Variants in SIPA1L1 observed in about 807,000 individuals in gnomAD.
SIPA1L1 encodes the protein signal-induced proliferation-associated 1-like protein 1.
A neutral mutation model predicts 162.7 loss-of-function variants in SIPA1L1; 26 were observed. The ratio of observed to expected loss-of-function variants is 0.16; its 90% CI spans 0.12 to 0.22. The LOEUF (loss-of-function observed/expected upper bound fraction) is 0.22. Ranked by LOEUF, SIPA1L1 falls within the 10% of genes least tolerant of loss-of-function variation. The pLI is 1.00. For missense variants in SIPA1L1, 1,874 were observed against 2,241.0 expected (o/e 0.84, Z 3.31); for synonymous variants, 829 against 837.4 (o/e 0.99, Z 0.17).
intron 5 of SIPA1L1, among the ~76,000 whole-genome samples, chr14:71,595,000 T>C (rs1404818791): frequency 6.6e-6 from 1 of 152,166 alleles, no homozygotes; most frequent in East Asian, 1.9e-4. Context: ...CACTGTGATC[T>C]CAAAGTCCCA....
intron 2 of SIPA1L1, among the ~76,000 whole-genome samples, chr14:71,394,305 C>T (rs2041011798): frequency 6.6e-6 from 1 of 152,216 alleles, no homozygotes; most frequent in Non-Finnish European, 1.5e-5. Context: ...AATTATACAG[C>T]ATTAATTTCC....
chr14:71,506,401 C>T (rs925682936), intron 2 of SIPA1L1, among the ~76,000 whole-genome samples: 5 of 152,192 alleles, frequency 3.3e-5, no homozygotes, highest in Admixed American at 2.0e-4. Context: ...AGTGCAGTGG[C>T]GTGATCTCGG....
Position 71,627,736 on chromosome 14 carries a change from C to T in SIPA1L1, c.1818+3500C>T, listed in dbSNP as rs1221858212. Reference sequence around the variant, plus strand: ...TGTGCAATAGATTCCAACTATTGGCCTATTTTACAGTCAAGGGGATTAAGG... The same window carrying T: ...TGTGCAATAGATTCCAACTATTGGCTTATTTTACAGTCAAGGGGATTAAGG... On this transcript the variant is annotated intron_variant, in intron 7 of 23. Coordinates refer to ENST00000381232, the MANE Select transcript of SIPA1L1 (RefSeq NM_001386936.1). Among the ~76,000 whole-genome samples, 3 of 152,114 alleles carry T rather than the reference C, an allele frequency of 2.0e-5. No homozygotes were observed. In the East Asian group the frequency reaches 5.8e-4, roughly 29 times the overall value.
chr14:71,706,271 A>G (rs962661860), intron 16 of SIPA1L1, among the ~76,000 whole-genome samples: 1 of 152,210 alleles, frequency 6.6e-6, no homozygotes, highest in African/African-American at 2.4e-5. Flanking sequence ...ATATTGTCAC[A>G]AATCTACTTG....
intron 2 of SIPA1L1, among the ~76,000 whole-genome samples, chr14:71,470,899 T>A (rs2047399663): frequency 6.6e-6 from 1 of 152,206 alleles, no homozygotes; most frequent in Non-Finnish European, 1.5e-5. Flanking sequence ...GTGCAGTGGC[T>A]TGATCACGGC....
chr14:71,647,607 C>T (rs772856903), intron 7 of SIPA1L1, among the ~76,000 whole-genome samples: 3 of 152,130 alleles, frequency 2.0e-5, no homozygotes, highest in Non-Finnish European at 4.4e-5. Context: ...AAGCCCCTTC[C>T]TGTCTACAGA....
intron 10 of SIPA1L1, among the ~76,000 whole-genome samples, chr14:71,665,115 T>C (rs967234322): frequency 1.3e-5 from 2 of 152,208 alleles, no homozygotes; most frequent in African/African-American, 4.8e-5. Flanking sequence ...AGTGTTACCA[T>C]GCTAGGTAAT....
chr14:71,346,531 A>G (rs1250958499), intron 2 of SIPA1L1, among the ~76,000 whole-genome samples: 2 of 152,176 alleles, frequency 1.3e-5, no homozygotes, highest in Non-Finnish European at 2.9e-5. Flanking sequence ...AGAACTGTAG[A>G]AGAGAGTATG....
chr14:71,693,565 G>T (rs938777573), intron 13 of SIPA1L1, among the ~76,000 whole-genome samples: 1 of 152,110 alleles, frequency 6.6e-6, no homozygotes, highest in African/African-American at 2.4e-5. Context: ...TGGTTAGAAA[G>T]CCAGCAGTAA....
chr14:71,544,928 T>C (rs1022397111), intron 4 of SIPA1L1, among the ~76,000 whole-genome samples: 9 of 152,228 alleles, frequency 5.9e-5, no homozygotes, highest in African/African-American at 2.2e-4. Context: ...AGTGGCATGA[T>C]CATAGCTCAC....
chr14:71,606,896 T>G (rs1156814544), intron 5 of SIPA1L1, among the ~76,000 whole-genome samples: 1 of 152,088 alleles, frequency 6.6e-6, no homozygotes, highest in Non-Finnish European at 1.5e-5. Flanking sequence ...GATAAAAAGT[T>G]AAAACTTTTT....
chr14:71,544,069 ACG>A (rs2054833381), intron 4 of SIPA1L1, among the ~76,000 whole-genome samples: 1 of 148,376 alleles, frequency 6.7e-6, no homozygotes, highest in East Asian at 2.0e-4. Context: ...GTATATACAC[ACG>A]CACGCACATG....
At chr14:71,378,385 G>T (rs1016812394) in intron 2 of SIPA1L1, among the ~76,000 whole-genome samples, 6 of 152,138 alleles carry the variant, frequency 3.9e-5, no homozygotes, top group Non-Finnish European at 8.8e-5. Flanking sequence ...ATTTGGTTCA[G>T]ATGTTTTCTG....
chr14:71,724,527 G>A (rs528589929), intron 18 of SIPA1L1, 143 bp from the exon 19 acceptor site: 13 of 573,300 alleles, frequency 2.3e-5, no homozygotes, highest in South Asian at 7.2e-5. Context: ...GAGTAGATTC[G>A]CATATAAACA....
chr14:71,477,416 G>T (rs2047962523), intron 2 of SIPA1L1, among the ~76,000 whole-genome samples: 3 of 152,132 alleles, frequency 2.0e-5, no homozygotes, highest in South Asian at 2.1e-4. Context: ...TCACTGTGTT[G>T]CCCAGGCTGG....
chr14:71,668,317 C>G (rs1440657552), intron 10 of SIPA1L1, among the ~76,000 whole-genome samples: 1 of 152,150 alleles, frequency 6.6e-6, no homozygotes, highest in Non-Finnish European at 1.5e-5. Context: ...GTGGAGCACT[C>G]TCTTGGCTGT....
At chr14:71,365,439 C>T (rs1007469397) in intron 2 of SIPA1L1, among the ~76,000 whole-genome samples, 3 of 152,094 alleles carry the variant, frequency 2.0e-5, no homozygotes, top group South Asian at 2.1e-4. Context: ...CACTATTGCC[C>T]GTAGGCACTT....
intron 7 of SIPA1L1, among the ~76,000 whole-genome samples, chr14:71,627,935 T>G (rs2040195192): frequency 6.6e-6 from 1 of 152,248 alleles, no homozygotes; most frequent in Non-Finnish European, 1.5e-5. Context: ...CATCTTTATT[T>G]TTTTAATTTC....
At chr14:71,416,376 T>A (rs1263635808) in intron 2 of SIPA1L1, 10 of 152,102 alleles carry the variant, frequency 6.6e-5, no homozygotes, top group Admixed American at 6.5e-4. Context: ...AAATGGTTTT[T>A]GTTTTTTTTT....
Sources: allele counts gnomAD v4.1 joint callset (sites outside exome capture counted in the v4.1 genomes callset), GRCh38; gene constraint gnomAD v4.1.1; transcripts MANE v1.5; gene names NCBI Gene and HGNC (gene_info 2026-07-23, HGNC 2026-07-21).